The following MEF2C variants were observed in gnomAD, a reference collection of about 807,000 sequenced individuals.
The protein encoded by MEF2C is myocyte-specific enhancer factor 2C.
A neutral mutation model predicts 50.5 loss-of-function variants in MEF2C; 6 were observed. The ratio of observed to expected loss-of-function variants is 0.12; its 90% CI spans 0.07 to 0.23. MEF2C has a LOEUF of 0.23. MEF2C is among the 10% of genes least tolerant of loss of function. The pLI, the probability that MEF2C is intolerant of heterozygous loss-of-function variation, is 1.00. For synonymous variants in MEF2C, 183 were observed against 228.0 expected (o/e 0.80, Z 1.78); for missense variants, 276 against 605.0 (o/e 0.46, Z 5.70).
In MEF2C at chr5:88,739,709, A is replaced by G. The variant is rs532622587; in HGVS notation, c.638-7808T>C. The G allele has an allele frequency of 3.0e-6, 3 of 985,220 alleles. No individual in the cohort carries two copies. In the South Asian group the frequency reaches 1.4e-4, roughly 46 times the overall value. 61.0% of individuals were successfully genotyped at this position (985,220 alleles called of 1,614,324 possible). A position where few individuals can be genotyped will look rare whatever the true frequency, so the allele number is the denominator to read the frequency against. ...ACTGTGAGTTATTCAGCTGTTGTGT[A>G]TCAAAATCAGTTTTGTTTTTATTTT... On this transcript the variant is annotated intron_variant, in intron 6 of 10. Coordinates refer to ENST00000504921, the MANE Select transcript of MEF2C (RefSeq NM_002397.5).
intron 3 of MEF2C, among the ~76,000 whole-genome samples, chr5:88,777,442 C>CAAAG (rs1785338057): frequency 6.6e-6 from 1 of 152,116 alleles, no homozygotes; most frequent in Non-Finnish European, 1.5e-5. Flanking sequence ...GGCCCAAGAA[C>CAAAG]TTGCTGAAGT....
At chr5:88,882,546 C>T (rs1833245095) in intron 1 of MEF2C, among the ~76,000 whole-genome samples, 1 of 152,164 alleles carries the variant, frequency 6.6e-6, no homozygotes, top group African/African-American at 2.4e-5. Flanking sequence ...CTCATGGGAG[C>T]ATCTTTCCAC....
intron 2 of MEF2C, among the ~76,000 whole-genome samples, chr5:88,818,703 G>A (rs941341614): frequency 6.6e-6 from 1 of 151,878 alleles, no homozygotes; most frequent in Admixed American, 6.6e-5. Context: ...TCCTGCTCTG[G>A]TATCATTCTC....
At chr5:88,781,982 A>G (rs1788321805) in intron 3 of MEF2C, 1 of 371,478 alleles carries the variant, frequency 2.7e-6, no homozygotes, top group South Asian at 1.1e-4. Context: ...AAAACAAAAC[A>G]AAACAAAACA....
intron 2 of MEF2C, among the ~76,000 whole-genome samples, chr5:88,809,882 T>C (rs1802052204): frequency 6.6e-6 from 1 of 152,178 alleles, no homozygotes; most frequent in South Asian, 2.1e-4. Flanking sequence ...TCTTTGATGC[T>C]TTCCTTGTCA....
rs1250050314 is a variant in MEF2C at position 88,804,646 on chromosome 5, C to T, written c.210G>A (p.Thr70=). The T allele has an allele frequency of 2.5e-6, 4 of 1,614,006 alleles. No homozygotes were observed. The highest frequency in any genetic ancestry group is 2.7e-5 in the African/African-American group (2 of 74,890). ...TDMDKVLLKY[T]EYNEPHESRT... Reference sequence around the variant, plus strand: ...GGCTCTCATGCGGCTCGTTGTACTCCGTGTACTTGAGAAGCACTTTGTCCA... The same window carrying T: ...GGCTCTCATGCGGCTCGTTGTACTCTGTGTACTTGAGAAGCACTTTGTCCA... The change falls in exon 3 of 11, where the codon ACG becomes ACA. Residue 70 remains threonine (T), a synonymous_variant. Coordinates refer to ENST00000504921, the MANE Select transcript of MEF2C (RefSeq NM_002397.5).
Position 88,823,882 on chromosome 5 carries a change from T to C in MEF2C, c.-94A>G, listed in dbSNP as rs1809669896. ...CCTGTTTCCTCCAAACAAATCTCCT[T>C]CTTCAGCACTTGCACAGCTCAGTTC... On this transcript the variant is annotated 5_prime_UTR_variant, in exon 2 of 11. Coordinates refer to ENST00000504921, the MANE Select transcript of MEF2C (RefSeq NM_002397.5). 1 of 1,583,418 alleles carries C rather than the reference T, an allele frequency of 6.3e-7. No individual in the cohort carries two copies. Among genetic ancestry groups the C allele is most frequent in the Non-Finnish European group, 8.6e-7 (1 of 1,165,530 alleles).
intron 1 of MEF2C, among the ~76,000 whole-genome samples, chr5:88,863,829 T>TC (rs1466346661): frequency 2.0e-5 from 3 of 151,420 alleles, no homozygotes; most frequent in Non-Finnish European, 4.4e-5. Context: ...TTTTTCTTTT[T>TC]TTTTTTTTTT....
chr5:88,736,842 A>G (rs1190765633), intron 6 of MEF2C: 1 of 985,242 alleles, frequency 1.0e-6, no homozygotes, highest in African/African-American at 1.7e-5. Context: ...TGGTCCTCGG[A>G]ATATATGCAA....
intron 3 of MEF2C, among the ~76,000 whole-genome samples, chr5:88,779,760 G>GTTTTTTT: frequency 6.8e-6 from 1 of 147,156 alleles, no homozygotes; most frequent in Non-Finnish European, 1.5e-5. Flanking sequence ...GCAAAGTGAG[G>GTTTTTTT]TTTTTTTTTT....
intron 1 of MEF2C, among the ~76,000 whole-genome samples, chr5:88,854,119 T>C (rs1256175257): frequency 6.6e-6 from 1 of 152,224 alleles, no homozygotes; most frequent in Non-Finnish European, 1.5e-5. Flanking sequence ...TTTGCAGCTA[T>C]ATAAGAACCA....
intron 1 of MEF2C, among the ~76,000 whole-genome samples, chr5:88,835,679 G>A (rs2153271716): frequency 6.6e-6 from 1 of 151,940 alleles, no homozygotes; most frequent in East Asian, 1.9e-4. Context: ...CAGGTGTGGT[G>A]GTGGGTGCCT....
intron 2 of MEF2C, among the ~76,000 whole-genome samples, chr5:88,814,803 A>T (rs1048989680): frequency 1.3e-5 from 2 of 152,168 alleles, no homozygotes; most frequent in African/African-American, 4.8e-5. Flanking sequence ...TAAAAGTTTG[A>T]GTTTTAAAAT....
chr5:88,862,179 A>C (rs1221971970), intron 1 of MEF2C, among the ~76,000 whole-genome samples: 1 of 152,184 alleles, frequency 6.6e-6, no homozygotes, highest in Admixed American at 6.5e-5. Flanking sequence ...TCTTTACATA[A>C]AACTTTATGT....
Position 88,720,145 on chromosome 5 carries a change from A to C in MEF2C, c.*2459T>G, listed in dbSNP as rs1323669589. On this transcript the variant is annotated 3_prime_UTR_variant, in exon 11 of 11. Coordinates refer to ENST00000504921, the MANE Select transcript of MEF2C (RefSeq NM_002397.5). ...GCATATTTTATACACATCAAGTTAG[A>C]AGGATGGGTTGTAAGGATGGGATCA... 6.6e-6 allele frequency: 1 copy of C among 152,130 alleles called. No individual in the cohort carries two copies. Among genetic ancestry groups the C allele is most frequent in the Admixed American group, 6.6e-5 (1 of 15,262 alleles). The allele number at this position is 152,130 out of a possible 1,614,324, so 9.4% of individuals were successfully genotyped here.
intron 1 of MEF2C, among the ~76,000 whole-genome samples, chr5:88,894,488 A>C (rs1834909714): frequency 2.0e-5 from 3 of 152,218 alleles, no homozygotes; most frequent in Non-Finnish European, 4.4e-5. Context: ...GTCTTTGCTC[A>C]AGTCTATTTA....
rs57717988 is a variant in MEF2C at position 88,869,278 on chromosome 5, C to CATAT, written c.-143+13673_-143+13676dup. 1.7e-3 allele frequency among the ~76,000 whole-genome samples: 82 copies of CATAT among 48,556 alleles called. 1 individual carries two copies. The highest frequency in any genetic ancestry group is 3.4e-3 in the Admixed American group (13 of 3,838). 31.9% of individuals were successfully genotyped at this position (48,556 alleles called of 152,430 possible). On this transcript the variant is annotated intron_variant, in intron 1 of 10. Coordinates refer to ENST00000504921, the MANE Select transcript of MEF2C (RefSeq NM_002397.5). ...ATATATATATATATATATATATATA[C>CATAT]ATATATATATATATATACACATATA...
chr5:88,880,256 G>GA (rs34730234), intron 1 of MEF2C, among the ~76,000 whole-genome samples: 1 of 151,270 alleles, frequency 6.6e-6, no homozygotes, highest in African/African-American at 2.4e-5. Flanking sequence ...ATGTGCTTTT[G>GA]AAAAAAAAGT....
At chr5:88,784,359 AT>A (rs1187466066) in intron 3 of MEF2C, among the ~76,000 whole-genome samples, 1 of 152,202 alleles carries the variant, frequency 6.6e-6, no homozygotes, top group Admixed American at 6.5e-5. Context: ...CTGTAACAAA[AT>A]TTTTTGTCAG....
Sources: gnomAD v4.1 joint callset for allele counts (sites outside exome capture counted in the v4.1 genomes callset) on GRCh38, gnomAD v4.1.1 for gene constraint, MANE v1.5 for transcripts, NCBI Gene and HGNC (gene_info 2026-07-23, HGNC 2026-07-21) for gene names.